KLF12: variants seen among roughly 807,000 people sequenced by gnomAD.
KLF12 encodes the protein KLF transcription factor 12, also known as Krueppel-like factor 12.
KLF12 carries 9 observed loss-of-function variants against 37.8 expected under a neutral mutation model. That is an observed-to-expected ratio of 0.24 (90% CI 0.14 to 0.42). The LOEUF (loss-of-function observed/expected upper bound fraction) is 0.42. KLF12 is among the 10% of genes least tolerant of loss of function. The probability of loss-of-function intolerance (pLI) is 1.00; values close to 1 mark genes in which losing one functional copy is unlikely to be tolerated. For missense variants in KLF12, 411 were observed against 516.0 expected (o/e 0.80, Z 1.97); for synonymous variants, 208 against 202.1 (o/e 1.03, Z -0.25).
rs542865576 is a variant in KLF12, at chr13:74,005,273, T to C, written c.-31-10220A>G. Reference sequence around the variant, plus strand: ...GCAAATAAACTTCAACGCTGTCAAATAGTTAACTTCCTAAAATGATTGAAA... The same window carrying C: ...GCAAATAAACTTCAACGCTGTCAAACAGTTAACTTCCTAAAATGATTGAAA... On this transcript the variant is annotated intron_variant, in intron 1 of 7. Coordinates refer to ENST00000377669, the MANE Select transcript of KLF12 (RefSeq NM_007249.5). Among the ~76,000 whole-genome samples, 172 of 152,266 alleles carry C rather than the reference T, an allele frequency of 1.1e-3. 1 individual carries two copies. Among genetic ancestry groups the C allele is most frequent in the African/African-American group, 3.8e-3 (158 of 41,562 alleles).
At chr13:74,005,221 G>A (rs2138332870) in intron 1 of KLF12, among the ~76,000 whole-genome samples, 1 of 152,112 alleles carries the variant, frequency 6.6e-6, no homozygotes, top group South Asian at 2.1e-4. Context: ...AAATAATAAA[G>A]AGCCTACATC....
intron 2 of KLF12, among the ~76,000 whole-genome samples, chr13:73,993,228 T>C (rs1272852956): frequency 6.6e-6 from 1 of 152,156 alleles, no homozygotes; most frequent in Non-Finnish European, 1.5e-5. Flanking sequence ...CGAGACTCCA[T>C]CTCAATGGGA....
chr13:73,695,817 C>T (rs963692171), intron 7 of KLF12, 146 bp from the exon 8 acceptor site: 11 of 739,420 alleles, frequency 1.5e-5, no homozygotes, highest in South Asian at 3.6e-5. Context: ...ATCCCACCAG[C>T]GGTCTGGGTC....
intron 1 of KLF12, among the ~76,000 whole-genome samples, chr13:74,088,075 G>T (rs1204017237): frequency 6.6e-6 from 1 of 151,906 alleles, no homozygotes; most frequent in Non-Finnish European, 1.5e-5. Flanking sequence ...ACAAAAGCAT[G>T]GTCTTGCTCT....
chr13:74,303,521 G>A, the KLF12 span, among the ~76,000 whole-genome samples: 11 of 152,168 alleles, frequency 7.2e-5, 1 homozygote, highest in African/African-American at 2.4e-4. Flanking sequence ...AACTAAACGA[G>A]CTCAGACCAT....
At chr13:74,083,529 C>CAT (rs796357196) in intron 1 of KLF12, among the ~76,000 whole-genome samples, 1 of 151,030 alleles carries the variant, frequency 6.6e-6, no homozygotes, top group South Asian at 2.1e-4. Context: ...CACACACACA[C>CAT]ACACACACAC....
At chr13:73,923,381 T>C (rs549401048) in intron 3 of KLF12, among the ~76,000 whole-genome samples, 1 of 152,312 alleles carries the variant, frequency 6.6e-6, no homozygotes, top group Admixed American at 6.5e-5. Flanking sequence ...TTCTTATAAC[T>C]CAATTTCCTC....
chr13:74,184,817 A>G, the KLF12 span, among the ~76,000 whole-genome samples: 2 of 152,216 alleles, frequency 1.3e-5, no homozygotes, highest in Admixed American at 1.3e-4. Flanking sequence ...AAATATTTTT[A>G]TTGATTTTAT....
chr13:74,039,091 T>C, intron 1 of KLF12, among the ~76,000 whole-genome samples: 2 of 151,138 alleles, frequency 1.3e-5, no homozygotes. Flanking sequence ...TTTAAATTAA[T>C]ATTTTATTTA....
At chr13:74,034,734 G>C (rs555233261) in intron 1 of KLF12, among the ~76,000 whole-genome samples, 5 of 152,296 alleles carry the variant, frequency 3.3e-5, no homozygotes, top group Non-Finnish European at 7.4e-5. Context: ...TGAAATCTTA[G>C]AGCATTATTT....
chr13:74,239,251 T>C, the KLF12 span, among the ~76,000 whole-genome samples: 1 of 152,132 alleles, frequency 6.6e-6, no homozygotes. Flanking sequence ...TTGAGCCGTT[T>C]TGAGTGAGAT....
chr13:73,776,461 T>G lies in KLF12; in HGVS notation c.807-11461A>C, dbSNP rs140372394. The stretch of plus-strand genomic sequence containing the variant: ...GTACCCACAAGGCTAAAGGTACTTG[T>G]GGAGATTGGCAAGAAGCTTATGAAG... On this transcript the variant is annotated intron_variant, in intron 5 of 7. Coordinates refer to ENST00000377669, the MANE Select transcript of KLF12 (RefSeq NM_007249.5). Among the ~76,000 whole-genome samples, 53 of 152,326 alleles carry G rather than the reference T, an allele frequency of 3.5e-4. No homozygotes were observed. In the East Asian group the frequency reaches 0.01, roughly 29 times the overall value.
At chr13:73,831,134 G>A (rs1884134891) in intron 4 of KLF12, among the ~76,000 whole-genome samples, 1 of 151,924 alleles carries the variant, frequency 6.6e-6, no homozygotes, top group Admixed American at 6.6e-5. Flanking sequence ...AGGAATTATG[G>A]AATTGGATAT....
At chr13:73,906,091 G>A (rs1264087675) in intron 3 of KLF12, among the ~76,000 whole-genome samples, 8 of 151,998 alleles carry the variant, frequency 5.3e-5, no homozygotes, top group Non-Finnish European at 7.4e-5. Context: ...TCACCACAAC[G>A]ATTGTGACCA....
At chr13:74,188,692 T>C in the KLF12 span, among the ~76,000 whole-genome samples, 1 of 152,064 alleles carries the variant, frequency 6.6e-6, no homozygotes, top group Non-Finnish European at 1.5e-5. Context: ...TTAATAGGTA[T>C]TCAGCTTAAA....
At chr13:74,115,560 C>T (rs1877248808) in intron 1 of KLF12, among the ~76,000 whole-genome samples, 1 of 152,078 alleles carries the variant, frequency 6.6e-6, no homozygotes, top group Admixed American at 6.6e-5. Flanking sequence ...CAAAAATTAG[C>T]CAGGCGTGAT....
chr13:73,745,237 T>G (rs751029564), intron 6 of KLF12, among the ~76,000 whole-genome samples: 1 of 152,168 alleles, frequency 6.6e-6, no homozygotes, highest in African/African-American at 2.4e-5. Flanking sequence ...ATATTACAAA[T>G]GCACATACAT....
At chr13:73,939,249 CTG>C (rs1327522290) in intron 3 of KLF12, among the ~76,000 whole-genome samples, 1 of 152,186 alleles carries the variant, frequency 6.6e-6, no homozygotes, top group Non-Finnish European at 1.5e-5. Context: ...AGGTCTCCCT[CTG>C]AGTCCTCTGC....
intron 3 of KLF12, among the ~76,000 whole-genome samples, chr13:73,937,114 C>T (rs1191092209): frequency 6.6e-6 from 1 of 151,738 alleles, no homozygotes; most frequent in Admixed American, 6.6e-5. Flanking sequence ...CGCTTGAACC[C>T]GGGAGGTGGA....
Sources: allele counts gnomAD v4.1 joint callset (sites outside exome capture counted in the v4.1 genomes callset), GRCh38; gene constraint gnomAD v4.1.1; transcripts MANE v1.5; gene names NCBI Gene and HGNC (gene_info 2026-07-23, HGNC 2026-07-21).